CDKAL1: variants seen among roughly 807,000 people sequenced by gnomAD.
The protein encoded by CDKAL1 is CDKAL1 threonylcarbamoyladenosine tRNA methylthiotransferase, also known as threonylcarbamoyladenosine tRNA methylthiotransferase.
In CDKAL1, 32 loss-of-function variants were observed where a neutral mutation model predicts 68.2. The observed-to-expected ratio is 0.47, with a 90% CI of 0.35 to 0.63. The LOEUF (loss-of-function observed/expected upper bound fraction) is 0.63. CDKAL1 is among the 30% of genes least tolerant of loss of function. The pLI, the probability that CDKAL1 is intolerant of heterozygous loss-of-function variation, is 0.00. For synonymous variants in CDKAL1, 234 were observed against 244.3 expected, an observed-to-expected ratio of 0.96 and a Z score of 0.39; for missense variants, 606 against 696.7, an observed-to-expected ratio of 0.87 and a Z score of 1.47.
At chr6:20,544,000 A>C (rs1763488936) in intron 2 of CDKAL1, among the ~76,000 whole-genome samples, 1 of 151,958 alleles carries the variant, frequency 6.6e-6, no homozygotes, top group Admixed American at 6.6e-5. Context: ...GGCCTGCCAG[A>C]GTGCTGGGAT....
chr6:20,772,306 T>C (rs1351375931), intron 7 of CDKAL1, among the ~76,000 whole-genome samples: 2 of 152,218 alleles, frequency 1.3e-5, no homozygotes, highest in Non-Finnish European at 2.9e-5. Context: ...GCAAGACAGC[T>C]AATGACCTGA....
intron 8 of CDKAL1, among the ~76,000 whole-genome samples, chr6:20,843,032 A>G (rs1400974472): frequency 6.6e-6 from 1 of 152,156 alleles, no homozygotes; most frequent in African/African-American, 2.4e-5. Flanking sequence ...TCCGTGGGGA[A>G]TACATTTCCA....
chr6:20,548,873 CTT>C (rs34242699), intron 4 of CDKAL1, among the ~76,000 whole-genome samples, 168 bp downstream of exon 4: 27 of 152,032 alleles, frequency 1.8e-4, no homozygotes, highest in Non-Finnish European at 3.4e-4. Context: ...TTTAAAAAAA[CTT>C]TTTATTTTGA....
In CDKAL1 at chr6:21,189,859, A is replaced by G. The variant is rs180885959; in HGVS notation, c.1300-8162A>G. Among the ~76,000 whole-genome samples the G allele has an allele frequency of 2.4e-3, 359 of 152,300 alleles. 1 individual carries two copies. The highest frequency in any genetic ancestry group is 3.6e-3 in the Non-Finnish European group (246 of 68,024). On this transcript the variant is annotated intron_variant, in intron 13 of 15. Coordinates refer to ENST00000274695, the MANE Select transcript of CDKAL1 (RefSeq NM_017774.3). ...TAGAAGTGAGCATAAACAGTCAGGAAAATTACTGTATACCCAGGAGACCCA... is the reference window on the plus strand; with the variant it reads ...TAGAAGTGAGCATAAACAGTCAGGAGAATTACTGTATACCCAGGAGACCCA...
intron 5 of CDKAL1, among the ~76,000 whole-genome samples, chr6:20,661,380 G>A (rs1581916087): frequency 6.6e-6 from 1 of 152,240 alleles, no homozygotes; most frequent in East Asian, 1.9e-4. Context: ...AAACATAGAT[G>A]AAGAGTTTTT....
chr6:21,225,352 T>G (rs1184420452), intron 15 of CDKAL1, among the ~76,000 whole-genome samples: 1 of 151,786 alleles, frequency 6.6e-6, no homozygotes, highest in East Asian at 1.9e-4. Flanking sequence ...GCCCGGGGAG[T>G]AAGAGGTGCT....
intron 4 of CDKAL1, among the ~76,000 whole-genome samples, chr6:20,571,080 A>G (rs536835046): frequency 6.6e-6 from 1 of 152,198 alleles, no homozygotes; most frequent in South Asian, 2.1e-4. Context: ...GGGGAAGCTT[A>G]TGTGAATCTC....
intron 4 of CDKAL1, among the ~76,000 whole-genome samples, chr6:20,608,886 T>C (rs1319101949): frequency 6.6e-6 from 1 of 152,244 alleles, no homozygotes; most frequent in Non-Finnish European, 1.5e-5. Flanking sequence ...GGTTTGTGAC[T>C]GCAGCTGGCA....
chr6:20,979,772 C>CTT (rs58698004), intron 10 of CDKAL1, among the ~76,000 whole-genome samples: 4 of 131,760 alleles, frequency 3.0e-5, no homozygotes, highest in African/African-American at 1.1e-4. Flanking sequence ...TTCATAGTAT[C>CTT]TTTTTTTTTT....
chr6:20,743,228 G>A (rs1044652255), intron 6 of CDKAL1, among the ~76,000 whole-genome samples: 3 of 152,150 alleles, frequency 2.0e-5, no homozygotes, highest in Non-Finnish European at 4.4e-5. Context: ...ATGATGGGAG[G>A]ATGTTAATAG....
At chr6:21,098,639 C>T (rs1773435451) in intron 12 of CDKAL1, among the ~76,000 whole-genome samples, 1 of 132,954 alleles carries the variant, frequency 7.5e-6, no homozygotes, top group African/African-American at 2.9e-5. Context: ...GACATGGTTT[C>T]TTTCTTCAAG....
intron 3 of CDKAL1, 152 bp downstream of exon 3, chr6:20,546,675 TC>T: frequency 1.7e-6 from 1 of 581,556 alleles, no homozygotes; most frequent in East Asian, 3.0e-5. Context: ...TGCCTCTGCC[TC>T]CCTAGTAGCT....
intron 6 of CDKAL1, among the ~76,000 whole-genome samples, chr6:20,753,700 C>T (rs181375845): frequency 1.6e-4 from 25 of 152,280 alleles, no homozygotes; most frequent in Non-Finnish European, 1.8e-4. Context: ...TGGATACTTC[C>T]GTTCCCAGTT....
chr6:20,981,849 A>G (rs558769655), intron 10 of CDKAL1, among the ~76,000 whole-genome samples: 319 of 152,274 alleles, frequency 2.1e-3, no homozygotes, highest in African/African-American at 7.3e-3. Context: ...AAAAAAGGAA[A>G]AGAAAATTGT....
chr6:20,548,021 A>C (rs1400498692), intron 3 of CDKAL1, among the ~76,000 whole-genome samples: 2 of 152,192 alleles, frequency 1.3e-5, no homozygotes, highest in Non-Finnish European at 2.9e-5. Flanking sequence ...AGTAGTATGA[A>C]TTTAAAATGC....
At chr6:20,936,591 G>T (rs986875157) in intron 9 of CDKAL1, among the ~76,000 whole-genome samples, 1 of 151,996 alleles carries the variant, frequency 6.6e-6, no homozygotes, top group Non-Finnish European at 1.5e-5. Context: ...TTCACATGGG[G>T]CTTGGTGACA....
chr6:20,996,957 G>A (rs1364219621), intron 10 of CDKAL1, among the ~76,000 whole-genome samples: 1 of 152,162 alleles, frequency 6.6e-6, no homozygotes, highest in Non-Finnish European at 1.5e-5. Flanking sequence ...TTGTTTACCT[G>A]GTCGAGCCAA....
rs573860985 is a variant in CDKAL1, at chr6:20,749,641, G to A, written c.469-8954G>A. Among the ~76,000 whole-genome samples the A allele has an allele frequency of 2.1e-3, 318 of 151,742 alleles. 1 individual carries two copies. Among genetic ancestry groups the A allele is most frequent in the Non-Finnish European group, 3.5e-3 (238 of 67,934 alleles). ...CGGCTCACTGCAAGCTCCGCCTCCT[G>A]GGTTCACGCCATTCTCCTGCCTCAG... On this transcript the variant is annotated intron_variant, in intron 6 of 15. Transcript: ENST00000274695.
At chr6:21,003,894 T>C (rs1767588853) in intron 11 of CDKAL1, among the ~76,000 whole-genome samples, 1 of 152,202 alleles carries the variant, frequency 6.6e-6, no homozygotes, top group African/African-American at 2.4e-5. Context: ...GTGCTTTCTT[T>C]TTCTGTTTGC....
Sources: gnomAD v4.1 joint callset for allele counts (sites outside exome capture counted in the v4.1 genomes callset) on GRCh38, gnomAD v4.1.1 for gene constraint, MANE v1.5 for transcripts, NCBI Gene and HGNC (gene_info 2026-07-23, HGNC 2026-07-21) for gene names.